Variants in NUDT13 observed in about 807,000 individuals in gnomAD.
The protein encoded by NUDT13 is NAD(P)H pyrophosphatase NUDT13, mitochondrial.
NUDT13 carries 40 observed loss-of-function variants against 41.7 expected under a neutral mutation model. The ratio of observed to expected loss-of-function variants is 0.96; its 90% confidence interval spans 0.75 to 1.25. The LOEUF (loss-of-function observed/expected upper bound fraction) is 1.25, where lower values mean the gene tolerates loss of function less well. NUDT13 is among the 50% of genes most tolerant of loss of function. The pLI, the probability that NUDT13 is intolerant of heterozygous loss-of-function variation, is 0.00. For missense variants in NUDT13, 390 were observed against 416.1 expected (o/e 0.94, Z 0.55); for synonymous variants, 145 against 155.5 (o/e 0.93, Z 0.50).
chr10:73,127,234 C>G (rs1842810869), intron 8 of NUDT13, among the ~76,000 whole-genome samples: 1 of 152,002 alleles, frequency 6.6e-6, no homozygotes, highest in African/African-American at 2.4e-5. Flanking sequence ...CAAAAATTGG[C>G]TCGGCATGGT....
At position 73,126,798 on chromosome 10, in the gene NUDT13, C is replaced by G; in HGVS notation, c.829C>G (p.His277Asp). Residue 277 changes from histidine (H) to aspartate (D), a missense_variant, in exon 8 of 9, where the codon CAT becomes GAT. Physicochemically the swap from His to Asp is moderately conservative, Grantham distance 81 (BLOSUM62 -1). Coordinates refer to ENST00000357321, the MANE Select transcript of NUDT13 (RefSeq NM_015901.6). The part of the protein sequence containing the change: ...FPSGSLMIAC[H>D]ATVKPGQTEI... ...TAGTGGCTCACTCATGATTGCTTGC[C>G]ATGCAACTGTGAAACCAGGGCAGAC... The G allele has an allele frequency of 3.7e-6, 6 of 1,614,150 alleles. No individual in the cohort carries two copies. Among genetic ancestry groups the G allele is most frequent in the Non-Finnish European group, 5.1e-6 (6 of 1,180,014 alleles).
chr10:73,130,883 T>A lies in NUDT13; in HGVS notation c.1039T>A (p.Cys347Ser). 6.2e-7 allele frequency: 1 copy of A among 1,613,600 alleles called. No homozygotes were observed. Among genetic ancestry groups the A allele is most frequent in the Non-Finnish European group, 8.5e-7 (1 of 1,179,754 alleles). The change falls in exon 9 of 9, where the codon TGT becomes AGT. Residue 347 changes from cysteine to serine, a missense_variant. Cys to Ser is a moderately radical substitution (Grantham distance 112). Coordinates refer to ENST00000357321, the MANE Select transcript of NUDT13 (RefSeq NM_015901.6). Reference sequence around the variant, plus strand: ...TAAGGAGTGGGTGGAAAAACAGACCTGTTCTTCCCTGCCTGCTTAGCCCGG... The same window carrying A: ...TAAGGAGTGGGTGGAAAAACAGACCAGTTCTTCCCTGCCTGCTTAGCCCGG... ...LIKEWVEKQTCSSLPA is the reference protein window; with the variant it reads ...LIKEWVEKQTSSSLPA
intron 1 of NUDT13, 90 bp from the exon 2 acceptor site, chr10:73,114,267 T>C: frequency 2.0e-6 from 1 of 505,962 alleles, no homozygotes; most frequent in Non-Finnish European, 3.4e-6. Flanking sequence ...AGTGATCCCA[T>C]TCTGGCTTAA....
At chr10:73,112,715 C>T (rs1411886532) in intron 1 of NUDT13, among the ~76,000 whole-genome samples, 1 of 151,820 alleles carries the variant, frequency 6.6e-6, no homozygotes, top group African/African-American at 2.4e-5. Context: ...AGTTACCATA[C>T]AACACAATAG....
At chr10:73,126,162 T>C (rs16930350) in intron 7 of NUDT13, 4,483 of 281,690 alleles carry the variant, frequency 0.016, 175 homozygotes, top group African/African-American at 0.082. Flanking sequence ...GGGTGTGTTA[T>C]AAACAGAGGA....
Position 73,130,771 on chromosome 10 carries a change from G to A in NUDT13, c.927G>A (p.Leu309=), listed in dbSNP as rs1388772859. 3 of 1,613,926 alleles carry A rather than the reference G, an allele frequency of 1.9e-6. No homozygotes were observed. The highest frequency in any genetic ancestry group is 1.7e-6 in the Non-Finnish European group (2 of 1,179,938). ...WFSHDEVATA[L]KRKGPYTQQQ... ...GTCATGATGAGGTAGCCACAGCCCT[G>A]AAGAGAAAGGGCCCCTATACTCAGC... Residue 309 remains leucine, a synonymous_variant, in exon 9 of 9, where the codon CTG becomes CTA. Coordinates refer to ENST00000357321, the MANE Select transcript of NUDT13 (RefSeq NM_015901.6).
intron 7 of NUDT13, 165 bp downstream of exon 7, chr10:73,125,674 T>TATATATAA: frequency 5.8e-6 from 1 of 173,452 alleles, no homozygotes; most frequent in East Asian, 1.2e-4. Flanking sequence ...TATATATATA[T>TATATATAA]ATAAAATTTT....
chr10:73,118,088 G>C (rs888011487), intron 2 of NUDT13, among the ~76,000 whole-genome samples: 1 of 152,116 alleles, frequency 6.6e-6, no homozygotes, highest in African/African-American at 2.4e-5. Flanking sequence ...CACTCTTTCT[G>C]TTCTTTTACG....
At chr10:73,130,419 C>T (rs1238099322) in intron 8 of NUDT13, 2 of 154,778 alleles carry the variant, frequency 1.3e-5, no homozygotes, top group Non-Finnish European at 2.8e-5. Context: ...GCCAAGATAG[C>T]GCCACTGCAC....
Position 73,114,440 on chromosome 10 carries a change from T to C in NUDT13, c.75T>C (p.Thr25=). Residue 25 remains threonine (T), a synonymous_variant, in exon 2 of 9, where the codon ACT becomes ACC. Coordinates refer to ENST00000357321, the MANE Select transcript of NUDT13 (RefSeq NM_015901.6). ...WCYRLLSTYV[T]KTRYLFELKE... ...ATAGGCTGCTGTCAACCTATGTTAC[T>C]AAGACACGGTGAGTTTTAGCCAACC... 1 of 1,575,370 alleles carries C rather than the reference T, an allele frequency of 6.3e-7. No individual in the cohort carries two copies. The highest frequency in any genetic ancestry group is 8.7e-7 in the Non-Finnish European group (1 of 1,155,492).
At position 73,131,775 on chromosome 10, in the gene NUDT13, GC is replaced by G. The variant is rs1309695756; in HGVS notation, c.*874del. 2 of 152,194 alleles carry G rather than the reference GC, an allele frequency of 1.3e-5. No homozygotes were observed. Among genetic ancestry groups the G allele is most frequent in the Non-Finnish European group, 2.9e-5 (2 of 68,032 alleles). The allele number at this position is 152,194 out of a possible 1,614,324, so 9.4% of individuals were successfully genotyped here. ...GGATTTCTCATCATTCATATATGATGCCATAAGGGAGAAGAGTTTATTTGGG... is the reference window on the plus strand; with the variant it reads ...GGATTTCTCATCATTCATATATGATGCATAAGGGAGAAGAGTTTATTTGGG... On this transcript the variant is annotated 3_prime_UTR_variant, in exon 9 of 9. Transcript: ENST00000357321.
At chr10:73,123,680 T>A (rs1188028041) in intron 4 of NUDT13, among the ~76,000 whole-genome samples, 1 of 152,124 alleles carries the variant, frequency 6.6e-6, no homozygotes, top group African/African-American at 2.4e-5. Context: ...TTATTTATTT[T>A]GAGATGGAGT....
chr10:73,122,807 C>T (rs1348337598), intron 4 of NUDT13, among the ~76,000 whole-genome samples: 2 of 151,404 alleles, frequency 1.3e-5, no homozygotes, highest in Non-Finnish European at 2.9e-5. Flanking sequence ...GTCTCAAACT[C>T]CTGGGCACAA....
chr10:73,120,132 C>A lies in NUDT13; in HGVS notation c.198C>A (p.Tyr66Ter), dbSNP rs1842608944. ...TGCTTCAGACTTCAGCACATCAATACCTGGCCCCCCGGCACAGCCTGTTAG... is the reference window on the plus strand; with the variant it reads ...TGCTTCAGACTTCAGCACATCAATAACTGGCCCCCCGGCACAGCCTGTTAG... ...APLLQTSAHQ[Y>*]LAPRHSLLEL... The change falls in exon 3 of 9, where the codon TAC becomes TAA. Residue 66 changes from tyrosine to a stop codon, truncating the protein, a stop_gained. Transcript: ENST00000357321. LOFTEE classifies it high-confidence loss of function. The A allele has an allele frequency of 2.5e-6, 4 of 1,614,196 alleles. No homozygotes were observed. The East Asian group carries it at 8.9e-5, about 36-fold the overall frequency.
chr10:73,123,424 T>C (rs922738599), intron 4 of NUDT13, among the ~76,000 whole-genome samples: 4 of 152,084 alleles, frequency 2.6e-5, no homozygotes, highest in Non-Finnish European at 4.4e-5. Context: ...GAGGTTCACA[T>C]AGGAGCCATG....
Position 73,125,528 on chromosome 10 carries a change from A to G in NUDT13, c.703+19A>G. The stretch of plus-strand genomic sequence containing the variant: ...GATATAGGTGAGGAGTTTAGGGGAT[A>G]TACAGGTGACACTGGAAGATATACA... On this transcript the variant is annotated intron_variant, in intron 7 of 8. Coordinates refer to ENST00000357321, the MANE Select transcript of NUDT13 (RefSeq NM_015901.6). 6.8e-7 allele frequency: 1 copy of G among 1,472,004 alleles called. No homozygotes were observed. The highest frequency in any genetic ancestry group is 9.3e-7 in the Non-Finnish European group (1 of 1,070,318). 91.2% of individuals were successfully genotyped at this position (1,472,004 alleles called of 1,614,324 possible). A position where few individuals can be genotyped will look rare whatever the true frequency, so the allele number is the denominator to read the frequency against.
chr10:73,118,098 G>C (rs137937650), intron 2 of NUDT13, among the ~76,000 whole-genome samples: 8 of 152,244 alleles, frequency 5.3e-5, no homozygotes, highest in African/African-American at 9.6e-5. Context: ...GTTCTTTTAC[G>C]AAGGCAGCAG....
Position 73,125,385 on chromosome 10 carries a change from TC to T in NUDT13, c.592-9del. On this transcript the variant is annotated splice_polypyrimidine_tract_variant and intron_variant, in intron 6 of 8. Coordinates refer to ENST00000357321, the MANE Select transcript of NUDT13 (RefSeq NM_015901.6). ...AAAGTGCCAGCATCTCAGTTTCCAT[TC>T]CCCTTTCCTAGATGGCTCCTGTGGC... The T allele has an allele frequency of 4.3e-6, 7 of 1,613,358 alleles. No homozygotes were observed. Among genetic ancestry groups the T allele is most frequent in the Non-Finnish European group, 5.9e-6 (7 of 1,179,522 alleles).
chr10:73,114,347 T>TTG lies in NUDT13; in HGVS notation c.-9-9_-9-8insGT. 6.9e-7 allele frequency: 1 copy of TTG among 1,441,248 alleles called. No homozygotes were observed. The highest frequency in any genetic ancestry group is 1.3e-5 in the South Asian group (1 of 74,590). 89.3% of individuals were successfully genotyped at this position (1,441,248 alleles called of 1,614,324 possible). A position where few individuals can be genotyped will look rare whatever the true frequency, so the allele number is the denominator to read the frequency against. ...GACTTTTTTTAAAACTCCTTTTTTT[T>TTG]TTTTTTAAGGACCTGACAATGTCCC... On this transcript the variant is annotated splice_polypyrimidine_tract_variant and intron_variant, in intron 1 of 8. Transcript: ENST00000357321.
Sources: gnomAD v4.1 joint callset for allele counts (sites outside exome capture counted in the v4.1 genomes callset) on GRCh38, gnomAD v4.1.1 for gene constraint, MANE v1.5 for transcripts, NCBI Gene and HGNC (gene_info 2026-07-23, HGNC 2026-07-21) for gene names.